MYO5A: variants seen among roughly 807,000 people sequenced by gnomAD.
MYO5A encodes the protein unconventional myosin-Va.
Under a neutral mutation model 249.7 loss-of-function variants are expected in MYO5A, and 98 were observed. That is an observed-to-expected ratio of 0.39 (90% CI 0.33 to 0.46). The LOEUF (loss-of-function observed/expected upper bound fraction) is 0.46, where lower values mean the gene tolerates loss of function less well. Ranked by LOEUF, MYO5A falls within the 20% of genes least tolerant of loss-of-function variation. MYO5A has a pLI of 0.98. For synonymous variants in MYO5A, 778 were observed against 810.6 expected, an observed-to-expected ratio of 0.96 and a Z score of 0.68; for missense variants, 1,696 against 2,308.8, an observed-to-expected ratio of 0.73 and a Z score of 5.44.
At position 52,372,145 on chromosome 15, in the gene MYO5A, C is replaced by T; in HGVS notation, c.2796G>A (p.Leu932=). 1 of 1,613,700 alleles carries T rather than the reference C, an allele frequency of 6.2e-7. No homozygotes were observed. The highest frequency in any genetic ancestry group is 8.5e-7 in the Non-Finnish European group (1 of 1,180,026). Reference sequence around the variant, plus strand: ...ACACCTGCTCATCAACTTTGCGCTGCAGCTGCATGATCTTGTTCTCCATGC... The same window carrying T: ...ACACCTGCTCATCAACTTTGCGCTGTAGCTGCATGATCTTGTTCTCCATGC... ...HIGMENKIMQ[L]QRKVDEQNKD... The change falls in exon 21 of 42, where the codon CTG becomes CTA. Residue 932 remains leucine, a synonymous_variant. Transcript: ENST00000399233.
At chr15:52,524,408 G>C (rs2077688811) in intron 1 of MYO5A, among the ~76,000 whole-genome samples, 1 of 151,440 alleles carries the variant, frequency 6.6e-6, no homozygotes, top group African/African-American at 2.4e-5. Context: ...ACAAAAATTA[G>C]CTGGGTTTGG....
At chr15:52,403,551 G>C (rs568218635) in intron 9 of MYO5A, among the ~76,000 whole-genome samples, 1 of 152,166 alleles carries the variant, frequency 6.6e-6, no homozygotes, top group African/African-American at 2.4e-5. Flanking sequence ...TAGGGAAATA[G>C]ACACATAGGT....
At chr15:52,315,260 C>T (rs1158288571) in intron 40 of MYO5A, among the ~76,000 whole-genome samples, 4 of 152,226 alleles carry the variant, frequency 2.6e-5, no homozygotes, top group Admixed American at 1.3e-4. Context: ...TTACTTTCCA[C>T]ACTTGCAGAA....
At chr15:52,448,951 G>GTTTT (rs2075954786) in intron 1 of MYO5A, among the ~76,000 whole-genome samples, 1 of 64,046 alleles carries the variant, frequency 1.6e-5, no homozygotes, top group African/African-American at 6.4e-5. Flanking sequence ...TTCTTTTCTT[G>GTTTT]TCTTTCTTTT....
intron 25 of MYO5A, among the ~76,000 whole-genome samples, chr15:52,358,560 C>A (rs533736411): frequency 6.6e-6 from 1 of 152,240 alleles, no homozygotes; most frequent in Admixed American, 6.5e-5. Context: ...GCAGAACTAA[C>A]ACTGGGCCAG....
chr15:52,441,375 G>A (rs778478303), intron 1 of MYO5A, among the ~76,000 whole-genome samples: 14 of 151,150 alleles, frequency 9.3e-5, no homozygotes, highest in East Asian at 1.9e-4. Flanking sequence ...AAAGAATGAC[G>A]TAATGAACTT....
intron 1 of MYO5A, among the ~76,000 whole-genome samples, chr15:52,457,420 C>CA (rs35282872): frequency 0.34 from 29,200 of 86,922 alleles, 3,914 homozygotes; most frequent in Middle Eastern, 0.41. Flanking sequence ...GACCCTGTCT[C>CA]AAAAAAAAAA....
At chr15:52,507,821 A>AAAAAAAAAAAAAAAAAT (rs2077306279) in intron 1 of MYO5A, among the ~76,000 whole-genome samples, 1 of 151,410 alleles carries the variant, frequency 6.6e-6, no homozygotes, top group Non-Finnish European at 1.5e-5. Context: ...AAAAAAAAAA[A>AAAAAAAAAAAAAAAAAT]GTGTAATAAC....
At chr15:52,491,066 C>T (rs115674051) in intron 1 of MYO5A, among the ~76,000 whole-genome samples, 1,852 of 152,260 alleles carry the variant, frequency 0.012, 42 homozygotes, top group African/African-American at 0.042. Context: ...GACCTGTACA[C>T]TTACACATGG....
At chr15:52,509,690 C>T (rs2077350913) in intron 1 of MYO5A, among the ~76,000 whole-genome samples, 1 of 152,062 alleles carries the variant, frequency 6.6e-6, no homozygotes, top group East Asian at 1.9e-4. Flanking sequence ...TCTGACAAGC[C>T]AAAGATCAGG....
At chr15:52,433,012 T>C (rs2075575633) in intron 2 of MYO5A, among the ~76,000 whole-genome samples, 163 bp downstream of exon 2, 1 of 152,216 alleles carries the variant, frequency 6.6e-6, no homozygotes, top group African/African-American at 2.4e-5. Flanking sequence ...AAAAACACTA[T>C]CAGGATAGAA....
At position 52,321,396 on chromosome 15, in the gene MYO5A, G is replaced by A. The variant is rs56219052; in HGVS notation, c.4914C>T (p.Leu1638=). The A allele has an allele frequency of 9.6e-5, 155 of 1,614,044 alleles. No homozygotes were observed. Among genetic ancestry groups the A allele is most frequent in the East Asian group, 1.8e-4 (8 of 44,884 alleles). The part of the protein sequence containing the change: ...SDLAIQIYQQ[L]VRVLENILQP... ...GAAGGATGTTCTCTAACACCCGCACGAGCTGCTGGTAGATCTGAATGGCCA... is the reference window on the plus strand; with the variant it reads ...GAAGGATGTTCTCTAACACCCGCACAAGCTGCTGGTAGATCTGAATGGCCA... The change falls in exon 38 of 42, where the codon CTC becomes CTT. Residue 1638 remains leucine, a synonymous_variant. Transcript: ENST00000399233.
At chr15:52,470,010 C>A (rs776966961) in intron 1 of MYO5A, among the ~76,000 whole-genome samples, 3 of 152,180 alleles carry the variant, frequency 2.0e-5, no homozygotes, top group African/African-American at 7.2e-5. Flanking sequence ...GTAAATCCTA[C>A]GAAGGCATTC....
chr15:52,444,812 G>A (rs960489834), intron 1 of MYO5A, among the ~76,000 whole-genome samples: 5 of 152,206 alleles, frequency 3.3e-5, no homozygotes, highest in African/African-American at 1.2e-4. Flanking sequence ...GATAAATGAT[G>A]TAGTGATGAA....
At chr15:52,446,453 G>A (rs376271850) in intron 1 of MYO5A, among the ~76,000 whole-genome samples, 6 of 152,360 alleles carry the variant, frequency 3.9e-5, no homozygotes, top group Middle Eastern at 3.4e-3. Flanking sequence ...CCTGGGTGCC[G>A]AGGCAAAAGC....
chr15:52,381,782 T>TCTCTAACA (rs11280608), intron 16 of MYO5A, among the ~76,000 whole-genome samples: 1 of 137,766 alleles, frequency 7.3e-6, no homozygotes, highest in Non-Finnish European at 1.6e-5. Context: ...TCTCTCTCTC[T>TCTCTAACA]CACACACACA....
At chr15:52,470,604 C>T (rs573790705) in intron 1 of MYO5A, among the ~76,000 whole-genome samples, 2 of 151,956 alleles carry the variant, frequency 1.3e-5, no homozygotes, top group South Asian at 2.1e-4. Flanking sequence ...GAGCCAAGAT[C>T]GCACCATTGC....
At chr15:52,394,591 G>T (rs928708817) in intron 11 of MYO5A, among the ~76,000 whole-genome samples, 6 of 152,132 alleles carry the variant, frequency 3.9e-5, no homozygotes, top group African/African-American at 1.4e-4. Context: ...AATGTAAGGG[G>T]GTATGTGAAG....
intron 4 of MYO5A, among the ~76,000 whole-genome samples, chr15:52,424,356 C>CTTGAAAACTTTCTAA (rs1462927060): frequency 3.9e-5 from 6 of 152,120 alleles, no homozygotes; most frequent in Non-Finnish European, 7.4e-5. Flanking sequence ...TTCCTAGTTA[C>CTTGAAAACTTTCTAA]GTGACCTTAG....
Sources: allele counts gnomAD v4.1 joint callset (sites outside exome capture counted in the v4.1 genomes callset), GRCh38; gene constraint gnomAD v4.1.1; transcripts MANE v1.5; gene names NCBI Gene and HGNC (gene_info 2026-07-23, HGNC 2026-07-21).